KIAA1210: variants seen among roughly 807,000 people sequenced by gnomAD.
The protein encoded by KIAA1210 is KIAA1210.
Under a neutral mutation model 78.9 loss-of-function variants are expected in KIAA1210, and 48 were observed. That is an observed-to-expected ratio of 0.61 (90% CI 0.48 to 0.77). The LOEUF is 0.77. KIAA1210 is among the 30% of genes least tolerant of loss of function. The pLI is 0.00. For missense variants in KIAA1210, 1,108 were observed against 1,100.0 expected (o/e 1.01, Z -0.10); for synonymous variants, 406 against 404.5 (o/e 1.00, Z -0.04).
chrX:119,087,605 A>C lies in KIAA1210; in HGVS notation c.3097T>G (p.Ser1033Ala), dbSNP rs751640323. ...FMAQQIFSES[S>A]ALKRGSDVAP... ...ACATCACTGCCCCTCTTAAGAGCAG[A>C]GCTCTCTGAAAAGATTTGCTGTGCC... is the stretch of plus-strand genomic sequence containing the variant. Residue 1033 changes from serine to alanine, a missense_variant, in exon 9 of 12, where the codon TCT (serine) becomes GCT (alanine). Ser to Ala is a moderately conservative substitution (Grantham distance 99). Coordinates refer to ENST00000691062, the MANE Select transcript of KIAA1210 (RefSeq NM_001394962.1). 8.3e-7 allele frequency: 1 copy of C among 1,209,301 alleles called. No individual in the cohort carries two copies. The highest frequency in any genetic ancestry group is 1.1e-6 in the Non-Finnish European group (1 of 894,791).
At position 119,096,525 on chromosome X, in the gene KIAA1210, G is replaced by A. The variant is rs1346879161; in HGVS notation, c.815C>T (p.Pro272Leu). 1 of 1,208,683 alleles carries A rather than the reference G, an allele frequency of 8.3e-7. No homozygotes were observed. The highest frequency in any genetic ancestry group is 1.7e-5 in the African/African-American group (1 of 57,188). Residue 272 changes from proline to leucine, a missense_variant, in exon 7 of 12, where the codon CCC becomes CTC. Around this residue, in one of 5 missense-constraint regions of KIAA1210, gnomAD observed 672 missense variants for 607.1 expected, o/e 1.11. Coordinates refer to ENST00000691062, the MANE Select transcript of KIAA1210 (RefSeq NM_001394962.1). ...TTGAAGGTTCTTCTTTTGTTTGCGG[G>A]GATTTAAAGTCATTTTGTGGCGAGC... Reference protein sequence around the residue: ...SAARHKMTLNPRKQKKNLQVI... With the variant: ...SAARHKMTLNLRKQKKNLQVI...
Position 119,105,110 on chromosome X carries a change from G to A in KIAA1210, c.530C>T (p.Pro177Leu). The A allele has an allele frequency of 2.5e-6, 3 of 1,209,699 alleles. No homozygotes were observed. Among genetic ancestry groups the A allele is most frequent in the Non-Finnish European group, 3.4e-6 (3 of 894,506 alleles). Residue 177 changes from proline to leucine, a missense_variant, in exon 6 of 12, where the codon CCA (proline) becomes CTA (leucine). This residue lies in a region of KIAA1210 where 672 missense variants were observed against 607.1 expected (regional missense o/e 1.11). Transcript: ENST00000691062. ...PSRRRRLSIIPPVIQPEIISK... is the reference protein window; with the variant it reads ...PSRRRRLSIILPVIQPEIISK... ...AATTATTTCAGGTTGGATAACAGGT[G>A]GGATGATGCTGAGTCGGCGTCGGCG...
chrX:119,109,456 G>A (rs1439965018), intron 3 of KIAA1210, among the ~76,000 whole-genome samples: 1 of 110,274 alleles, frequency 9.1e-6, no homozygotes, highest in Non-Finnish European at 1.9e-5. Flanking sequence ...TGTTAGAGGT[G>A]GTTCCCTCTG....
Position 119,089,091 on chromosome X carries a change from T to C in KIAA1210, c.1611A>G (p.Gln537=), listed in dbSNP as rs776966065. The C allele has an allele frequency of 1.6e-6, 2 of 1,212,223 alleles. No homozygotes were observed. Among genetic ancestry groups the C allele is most frequent in the East Asian group, 3.0e-5 (1 of 33,860 alleles). Residue 537 remains glutamine (Q), a synonymous_variant, in exon 9 of 12, where the codon CAA becomes CAG. Transcript: ENST00000691062. The stretch of plus-strand genomic sequence containing the variant: ...CTGACTCCATTTTGGATTGGGCCTT[T>C]TGTAAATCAAAGCTGAAAGCTTCTT... The part of the protein sequence containing the change: ...EDQEAFSFDL[Q]KAQSKMESAQ...
At chrX:119,121,618 GT>G (rs1393845240) in intron 2 of KIAA1210, among the ~76,000 whole-genome samples, 1 of 111,980 alleles carries the variant, frequency 8.9e-6, no homozygotes, top group Non-Finnish European at 1.9e-5. Context: ...ATGAGAAATG[GT>G]TGCCTCTAAG....
In KIAA1210 at chrX:119,146,451, CA is replaced by C. The variant is rs778633344; in HGVS notation, c.410+1021del. Among the ~76,000 whole-genome samples the C allele has an allele frequency of 5.3e-5, 6 of 112,289 alleles. No individual in the cohort carries two copies. In the East Asian group the frequency reaches 1.7e-3, roughly 31 times the overall value. On this transcript the variant is annotated intron_variant, in intron 2 of 13. Transcript: ENST00000402510. ...CCAAGGAAACCAAACCTCCCTACAA[CA>C]AGTGGAACATCCCTTAGAATGCTGC... is the stretch of plus-strand genomic sequence containing the variant.
At chrX:119,114,966 C>G (rs138279499) in intron 3 of KIAA1210, among the ~76,000 whole-genome samples, 1 of 112,212 alleles carries the variant, frequency 8.9e-6, no homozygotes, top group African/African-American at 3.2e-5. Flanking sequence ...AATGAAGGAA[C>G]GGGATTTGTC....
intron 3 of KIAA1210, among the ~76,000 whole-genome samples, chrX:119,113,085 A>G (rs1928133644): frequency 8.9e-6 from 1 of 111,867 alleles, no homozygotes; most frequent in Non-Finnish European, 1.9e-5. Flanking sequence ...AGTCAATAAG[A>G]AAAGACCAGC....
At chrX:119,090,178 C>CA (rs1268105225) in intron 8 of KIAA1210, among the ~76,000 whole-genome samples, 1 of 95,196 alleles carries the variant, frequency 1.1e-5, no homozygotes. Context: ...GCATGTATTG[C>CA]TTTTTTTTTT....
chrX:119,148,839 C>A (rs530741625), intron 1 of KIAA1210, among the ~76,000 whole-genome samples: 1 of 111,125 alleles, frequency 9.0e-6, no homozygotes, highest in Non-Finnish European at 1.9e-5. Context: ...AACATCTCCA[C>A]GATGAGAAAT....
chrX:119,118,841 A>G (rs1336458233), intron 2 of KIAA1210, among the ~76,000 whole-genome samples: 2 of 112,491 alleles, frequency 1.8e-5, no homozygotes, highest in Non-Finnish European at 3.8e-5. Context: ...AGTACTTACC[A>G]TGTTCTGGGT....
intron 2 of KIAA1210, among the ~76,000 whole-genome samples, chrX:119,142,774 C>CAAAAA (rs11439597): frequency 1.0e-4 from 4 of 38,784 alleles, no homozygotes; most frequent in African/African-American, 3.1e-4. Flanking sequence ...GACTCCATCT[C>CAAAAA]AAAAAAAAAA....
At chrX:119,148,643 T>C (rs1929222261) in intron 1 of KIAA1210, among the ~76,000 whole-genome samples, 1 of 111,776 alleles carries the variant, frequency 8.9e-6, no homozygotes, top group African/African-American at 3.3e-5. Flanking sequence ...TAACTAGTTA[T>C]CTTGAACAAG....
rs181584275 is a variant in KIAA1210 at position 119,095,647 on chromosome X, C to G, written c.846+847G>C. 2.8e-4 allele frequency among the ~76,000 whole-genome samples: 31 copies of G among 112,338 alleles called. No homozygotes were observed. The Admixed American group carries it at 2.9e-3, about 11-fold the overall frequency. ...AGGTGATCCGCCCGCCTTGGCCTCC[C>G]AAAGTGCTGGGATTACAGGCATGAA... On this transcript the variant is annotated intron_variant, in intron 7 of 11. Coordinates refer to ENST00000691062, the MANE Select transcript of KIAA1210 (RefSeq NM_001394962.1).
intron 1 of KIAA1210, among the ~76,000 whole-genome samples, chrX:119,123,890 T>C: frequency 8.9e-6 from 1 of 112,088 alleles, no homozygotes; most frequent in East Asian, 2.8e-4. Flanking sequence ...ACAGAGAATG[T>C]CTTGCTCAGG....
At position 119,146,704 on chromosome X, in the gene KIAA1210, T is replaced by C. The variant is rs748262005; in HGVS notation, c.410+769A>G. On this transcript the variant is annotated intron_variant, in intron 2 of 13. Coordinates refer to the KIAA1210 transcript ENST00000402510. ...CTTACAGAGGGTGAGGCTGGGGGCC[T>C]GGGAGAGTATCTCCTCCCTCTGACC... 4.5e-5 allele frequency among the ~76,000 whole-genome samples: 5 copies of C among 111,387 alleles called. No individual in the cohort carries two copies. In the East Asian group the frequency reaches 1.1e-3, roughly 25 times the overall value.
In KIAA1210 at chrX:119,083,024, T is replaced by C; in HGVS notation, c.4417A>G (p.Thr1473Ala). The change falls in exon 11 of 12, where the codon ACA becomes GCA. Residue 1473 changes from threonine to alanine, a missense_variant. Thr to Ala is a moderately conservative substitution (Grantham distance 58, BLOSUM62 0). Around this residue, in one of 5 missense-constraint regions of KIAA1210, gnomAD observed 245 missense variants for 278.8 expected, o/e 0.88. Transcript: ENST00000691062. The stretch of plus-strand genomic sequence containing the variant: ...GAATGTATGCTTTTACCTGATTTTG[T>C]AGGCTTAGGTGGCTTCATCTGTGCT... ...KTAQMKPPKPTKSVGFEAQKI... is the reference protein window; with the variant it reads ...KTAQMKPPKPAKSVGFEAQKI... 2.5e-6 allele frequency: 3 copies of C among 1,185,045 alleles called. No individual in the cohort carries two copies. Among genetic ancestry groups the C allele is most frequent in the Non-Finnish European group, 3.4e-6 (3 of 877,204 alleles).
intron 11 of KIAA1210, among the ~76,000 whole-genome samples, chrX:119,082,219 A>T (rs1926988419): frequency 8.9e-6 from 1 of 112,443 alleles, no homozygotes; most frequent in Non-Finnish European, 1.9e-5. Context: ...GTAATTTTTT[A>T]AAAAGCTCAC....
intron 5 of KIAA1210, among the ~76,000 whole-genome samples, chrX:119,106,692 G>A (rs924772643): frequency 8.9e-6 from 1 of 112,471 alleles, no homozygotes; most frequent in South Asian, 3.7e-4. Context: ...ATCTGCCATT[G>A]TATCTTTTTA....
Sources: allele counts gnomAD v4.1 joint callset (sites outside exome capture counted in the v4.1 genomes callset), GRCh38; gene constraint gnomAD v4.1.1; regional missense constraint gnomAD v4.1.1; transcripts MANE v1.5; gene names NCBI Gene and HGNC (gene_info 2026-07-23, HGNC 2026-07-21).